The following WDFY2 variants were observed in gnomAD, a reference collection of about 807,000 sequenced individuals.
WDFY2 encodes the protein WD repeat and FYVE domain containing 2.
In WDFY2, 36 loss-of-function variants were observed where a neutral mutation model predicts 56.4. The observed-to-expected ratio is 0.64, with a 90% CI of 0.49 to 0.84. The LOEUF is 0.84. Ranked by LOEUF, WDFY2 falls within the 40% of genes least tolerant of loss-of-function variation. The pLI is 0.00. For missense variants in WDFY2, 444 were observed against 512.2 expected (o/e 0.87, Z 1.29); for synonymous variants, 176 against 183.7 (o/e 0.96, Z 0.34).
chr13:51,695,254 C>T (rs572022032), intron 3 of WDFY2, among the ~76,000 whole-genome samples: 7 of 152,252 alleles, frequency 4.6e-5, no homozygotes, highest in South Asian at 2.1e-4. Flanking sequence ...GGAGGAGAGG[C>T]GCTCTGCTTT....
intron 7 of WDFY2, among the ~76,000 whole-genome samples, chr13:51,746,098 C>T (rs764333920): frequency 5.3e-5 from 8 of 151,458 alleles, no homozygotes; most frequent in Non-Finnish European, 1.2e-4. Context: ...GCCTCAGCCT[C>T]CCAAGTAGCT....
At chr13:51,758,073 C>A in intron 10 of WDFY2, 119 bp from the exon 11 acceptor site, 1 of 513,830 alleles carries the variant, frequency 1.9e-6, no homozygotes. Context: ...GAGGAGCATT[C>A]CTGTCAGTGA....
chr13:51,620,000 C>T (rs2138354289), intron 1 of WDFY2, among the ~76,000 whole-genome samples: 1 of 152,286 alleles, frequency 6.6e-6, no homozygotes, highest in East Asian at 1.9e-4. Context: ...TTAGATCAAA[C>T]TTAATAGTCC....
chr13:51,614,337 T>C (rs1320448250), intron 1 of WDFY2, among the ~76,000 whole-genome samples: 3 of 152,208 alleles, frequency 2.0e-5, no homozygotes, highest in South Asian at 2.1e-4. Flanking sequence ...AACCCTGATA[T>C]ATAGTTTAGA....
intron 3 of WDFY2, among the ~76,000 whole-genome samples, chr13:51,683,586 T>C (rs1210711785): frequency 1.3e-5 from 2 of 152,178 alleles, no homozygotes; most frequent in Non-Finnish European, 2.9e-5. Context: ...AAATATATCT[T>C]CCAGGGAATC....
At chr13:51,714,322 G>A (rs1177423606) in intron 4 of WDFY2, among the ~76,000 whole-genome samples, 3 of 151,476 alleles carry the variant, frequency 2.0e-5, no homozygotes, top group Admixed American at 1.3e-4. Flanking sequence ...AGAGAGTTTC[G>A]TTCTTGTCGC....
Position 51,730,479 on chromosome 13 carries a change from G to C in WDFY2, c.598+2689G>C, listed in dbSNP as rs527929193. Among the ~76,000 whole-genome samples the C allele has an allele frequency of 1.8e-4, 28 of 152,266 alleles. No individual in the cohort carries two copies. In the South Asian group the frequency reaches 5.8e-3, roughly 32 times the overall value. On this transcript the variant is annotated intron_variant, in intron 6 of 11. Coordinates refer to ENST00000298125, the MANE Select transcript of WDFY2 (RefSeq NM_052950.4). ...TCCCCTTCTCTTTACGCTCTGTGCTGTCCCTTGTCATCTCAGCCATTCCTC... is the reference window on the plus strand; with the variant it reads ...TCCCCTTCTCTTTACGCTCTGTGCTCTCCCTTGTCATCTCAGCCATTCCTC...
At chr13:51,683,456 A>G (rs1956010875) in intron 3 of WDFY2, among the ~76,000 whole-genome samples, 1 of 152,204 alleles carries the variant, frequency 6.6e-6, no homozygotes, top group Non-Finnish European at 1.5e-5. Flanking sequence ...CATGGTTCCC[A>G]TGTCACTGTC....
chr13:51,691,055 G>C lies in WDFY2; in HGVS notation c.280-12541G>C, dbSNP rs925444014. Among the ~76,000 whole-genome samples the C allele has an allele frequency of 5.3e-5, 8 of 152,130 alleles. 1 individual carries two copies. Among genetic ancestry groups the C allele is most frequent in the Middle Eastern group, 6.8e-3 (2 of 294 alleles). On this transcript the variant is annotated intron_variant, in intron 3 of 11. Coordinates refer to ENST00000298125, the MANE Select transcript of WDFY2 (RefSeq NM_052950.4). ...TTTTGATGAGGTTGGTTGTTTTTTT[G>C]TTGTAAATTTGTTTGAGTTCATTGT...
rs190508337 is a variant in WDFY2 at position 51,603,129 on chromosome 13, C to T, written c.137+18305C>T. Among the ~76,000 whole-genome samples, 26 of 152,238 alleles carry T rather than the reference C, an allele frequency of 1.7e-4. No individual in the cohort carries two copies. In the East Asian group the frequency reaches 4.1e-3, roughly 24 times the overall value. On this transcript the variant is annotated intron_variant, in intron 1 of 11. Transcript: ENST00000298125. ...CCACCATAAAGTTCATCAATTAATA[C>T]GGCAAATGGAAATGCCAGAAAGATT...
chr13:51,740,828 G>A (rs1952954749), intron 7 of WDFY2, among the ~76,000 whole-genome samples: 1 of 152,170 alleles, frequency 6.6e-6, no homozygotes, highest in Non-Finnish European at 1.5e-5. Context: ...TGCAGGTCTT[G>A]AATGAAGATG....
chr13:51,727,573 C>T, intron 5 of WDFY2, 105 bp from the exon 6 acceptor site: 1 of 1,016,428 alleles, frequency 9.8e-7, no homozygotes, highest in Non-Finnish European at 1.5e-6. Flanking sequence ...TTCACATTTT[C>T]CTCAGATGGG....
chr13:51,728,461 T>C (rs914577375), intron 6 of WDFY2, among the ~76,000 whole-genome samples: 2 of 152,206 alleles, frequency 1.3e-5, no homozygotes, highest in Admixed American at 6.5e-5. Context: ...CTAGAACTTA[T>C]CGACCCTAGA....
At chr13:51,696,585 G>GA (rs1951881358) in intron 3 of WDFY2, among the ~76,000 whole-genome samples, 3 of 152,160 alleles carry the variant, frequency 2.0e-5, no homozygotes, top group African/African-American at 7.2e-5. Flanking sequence ...GTGTGAATGG[G>GA]AAAAGTTATT....
intron 2 of WDFY2, among the ~76,000 whole-genome samples, chr13:51,666,214 T>C (rs1566094340): frequency 6.6e-6 from 1 of 152,230 alleles, no homozygotes; most frequent in Non-Finnish European, 1.5e-5. Context: ...TTTGGAGTTT[T>C]CCCACTTGTG....
intron 7 of WDFY2, among the ~76,000 whole-genome samples, chr13:51,739,748 G>A (rs764658748): frequency 3.9e-5 from 6 of 152,130 alleles, no homozygotes; most frequent in East Asian, 1.9e-4. Context: ...ACTTTGCTGG[G>A]TACAGAGAAT....
intron 3 of WDFY2, among the ~76,000 whole-genome samples, chr13:51,702,277 A>C (rs1952001152): frequency 6.6e-6 from 1 of 151,602 alleles, no homozygotes; most frequent in Non-Finnish European, 1.5e-5. Context: ...GCGCCACTGC[A>C]CTCCAACCAG....
At chr13:51,599,271 T>G (rs1043098803) in intron 1 of WDFY2, 5 of 152,264 alleles carry the variant, frequency 3.3e-5, no homozygotes, top group African/African-American at 1.2e-4. Context: ...TGGAGGCTAC[T>G]TACTGAGAAT....
intron 1 of WDFY2, among the ~76,000 whole-genome samples, chr13:51,618,522 G>C (rs962100521): frequency 6.6e-6 from 1 of 152,228 alleles, no homozygotes; most frequent in Non-Finnish European, 1.5e-5. Context: ...AGTGGACATA[G>C]AATCAGTTAT....
Sources: gnomAD v4.1 joint callset for allele counts (sites outside exome capture counted in the v4.1 genomes callset) on GRCh38, gnomAD v4.1.1 for gene constraint, MANE v1.5 for transcripts, NCBI Gene and HGNC (gene_info 2026-07-23, HGNC 2026-07-21) for gene names.